The following DPP6 variants were observed in gnomAD, a reference collection of about 807,000 sequenced individuals.
The protein encoded by DPP6 is A-type potassium channel modulatory protein DPP6.
A neutral mutation model predicts 122.6 loss-of-function variants in DPP6; 69 were observed. The observed-to-expected ratio is 0.56, with a 90% confidence interval of 0.46 to 0.69. The LOEUF is 0.69. Among genes scored for constraint, DPP6 ranks in the 30% least tolerant of loss-of-function variants. The pLI is 0.00. For synonymous variants in DPP6, 418 were observed against 433.1 expected (o/e 0.97, Z 0.43); for missense variants, 928 against 1,116.9 (o/e 0.83, Z 2.41).
At chr7:154,019,176 C>T (rs1182863220) in intron 1 of DPP6, among the ~76,000 whole-genome samples, 1 of 152,148 alleles carries the variant, frequency 6.6e-6, no homozygotes, top group Non-Finnish European at 1.5e-5. Flanking sequence ...AGATGACTGA[C>T]TATTCCTAAC....
intron 3 of DPP6, among the ~76,000 whole-genome samples, chr7:154,517,767 G>T (rs542979019): frequency 6.6e-6 from 1 of 152,096 alleles, no homozygotes; most frequent in Non-Finnish European, 1.5e-5. Context: ...GTTGTGTCCG[G>T]AAAGCAAAAG....
At chr7:154,193,826 G>A (rs1280172387) in intron 1 of DPP6, among the ~76,000 whole-genome samples, 2 of 151,948 alleles carry the variant, frequency 1.3e-5, no homozygotes, top group Admixed American at 6.6e-5. Context: ...TACTCCTCCC[G>A]GCTAAGCAGG....
At chr7:153,781,967 C>G in the DPP6 span, among the ~76,000 whole-genome samples, 179 of 117,754 alleles carry the variant, frequency 1.5e-3, no homozygotes, top group Non-Finnish European at 2.2e-3. Flanking sequence ...TGGCCCTTTC[C>G]CCCAGAGAAT....
At chr7:153,890,925 T>G (rs945397366) in intron 1 of DPP6, among the ~76,000 whole-genome samples, 1 of 149,288 alleles carries the variant, frequency 6.7e-6, no homozygotes, top group African/African-American at 2.5e-5. Context: ...CTTGAACCCC[T>G]GACCTCAGGT....
chr7:154,567,506 T>C lies in DPP6; in HGVS notation c.627+590T>C, dbSNP rs536255703. Among the ~76,000 whole-genome samples the C allele has an allele frequency of 3.3e-5, 5 of 152,350 alleles. No individual in the cohort carries two copies. In the South Asian group the frequency reaches 1.0e-3, roughly 32 times the overall value. ...TCCTTCTTCTTCTTGTTTTTTCATT[T>C]GACATGCTCGTATTTCAAATTTCAT... On this transcript the variant is annotated intron_variant, in intron 5 of 25. Transcript: ENST00000377770.
At chr7:154,752,712 G>A (rs1268556962) in intron 8 of DPP6, among the ~76,000 whole-genome samples, 1 of 152,156 alleles carries the variant, frequency 6.6e-6, no homozygotes, top group Non-Finnish European at 1.5e-5. Flanking sequence ...GTGCCCAAGA[G>A]GAAAGCCCTG....
intron 16 of DPP6, among the ~76,000 whole-genome samples, chr7:154,844,026 G>A (rs1323815506): frequency 6.6e-6 from 1 of 152,182 alleles, no homozygotes; most frequent in Admixed American, 6.5e-5. Flanking sequence ...TGAATTACAT[G>A]CAAAGTAAAA....
At chr7:154,395,630 T>A (rs1184445362) in intron 1 of DPP6, among the ~76,000 whole-genome samples, 1 of 152,208 alleles carries the variant, frequency 6.6e-6, no homozygotes, top group Non-Finnish European at 1.5e-5. Flanking sequence ...ACTGATTAGT[T>A]TTAACAGGAT....
At chr7:154,176,712 G>A (rs549705155) in intron 1 of DPP6, among the ~76,000 whole-genome samples, 266 of 152,304 alleles carry the variant, frequency 1.7e-3, no homozygotes, top group African/African-American at 5.7e-3. Context: ...GACCACCTGC[G>A]TGGCCTGCCT....
At chr7:153,934,609 A>G (rs1801338968) in intron 1 of DPP6, among the ~76,000 whole-genome samples, 1 of 152,176 alleles carries the variant, frequency 6.6e-6, no homozygotes, top group African/African-American at 2.4e-5. Flanking sequence ...TGCCCAAGAT[A>G]TTCATCTGAA....
At chr7:154,615,856 C>G (rs1834215365) in intron 5 of DPP6, among the ~76,000 whole-genome samples, 1 of 152,222 alleles carries the variant, frequency 6.6e-6, no homozygotes, top group Non-Finnish European at 1.5e-5. Flanking sequence ...TCATCCACAA[C>G]AGAAACCCTG....
intron 21 of DPP6, among the ~76,000 whole-genome samples, chr7:154,882,918 G>A (rs1230515662): frequency 2.9e-5 from 2 of 69,324 alleles, no homozygotes; most frequent in African/African-American, 1.3e-4. Context: ...GGTTGATCTT[G>A]GAGTTTGGCA....
At chr7:153,827,256 T>C in the DPP6 span, among the ~76,000 whole-genome samples, 7 of 152,188 alleles carry the variant, frequency 4.6e-5, no homozygotes, top group Non-Finnish European at 1.0e-4. Context: ...TATATAACAG[T>C]GTATAAAAAT....
Position 154,282,762 on chromosome 7 carries a change from G to A in DPP6, c.244-163452G>A, listed in dbSNP as rs1804607715. Among the ~76,000 whole-genome samples the A allele has an allele frequency of 6.6e-6, 1 of 152,144 alleles. No homozygotes were observed. Among genetic ancestry groups the A allele is most frequent in the Non-Finnish European group, 1.5e-5 (1 of 68,012 alleles). ...TAACAAACAAATTTAAAAAAAGTAT[G>A]TATATTTGGGTAGATAAATATAGGG... On this transcript the variant is annotated intron_variant, in intron 1 of 25. Transcript: ENST00000377770. This position sits in a 1 kb window ranked among gnomAD's most constrained non-coding sequence, Gnocchi z 4.8.
intron 1 of DPP6, chr7:154,058,524 T>C (rs1230662360): frequency 8.6e-6 from 1 of 116,186 alleles, no homozygotes; most frequent in African/African-American, 3.4e-5. Flanking sequence ...AGCCAACCCC[T>C]GGTTCCCCCA....
At chr7:154,300,580 C>T (rs1805838011) in intron 1 of DPP6, among the ~76,000 whole-genome samples, 1 of 152,194 alleles carries the variant, frequency 6.6e-6, no homozygotes, top group African/African-American at 2.4e-5. Context: ...GAATTTGGGA[C>T]TGGATCTCCC....
At chr7:154,652,112 A>G (rs944955940) in intron 6 of DPP6, among the ~76,000 whole-genome samples, 4 of 152,190 alleles carry the variant, frequency 2.6e-5, no homozygotes, top group African/African-American at 9.7e-5. Context: ...ACAGTGAAAT[A>G]GGGGGCTCCT....
At chr7:154,607,444 G>A (rs1435475575) in intron 5 of DPP6, among the ~76,000 whole-genome samples, 2 of 112,722 alleles carry the variant, frequency 1.8e-5, no homozygotes, top group African/African-American at 2.8e-5. Context: ...GCCTGTAGTC[G>A]CAGCTACTCA....
chr7:154,526,255 C>T (rs1011778857), intron 3 of DPP6, among the ~76,000 whole-genome samples: 26 of 152,124 alleles, frequency 1.7e-4, no homozygotes, highest in African/African-American at 6.3e-4. Context: ...ACACTGAAGA[C>T]ATTATTGGCA....
Sources: allele counts gnomAD v4.1 joint callset (sites outside exome capture counted in the v4.1 genomes callset), GRCh38; gene constraint gnomAD v4.1.1; non-coding constraint Gnocchi (gnomAD v3.1); transcripts MANE v1.5; gene names NCBI Gene and HGNC (gene_info 2026-07-23, HGNC 2026-07-21).